The following RBFOX1 variants were observed in gnomAD, a reference collection of about 807,000 sequenced individuals.
RBFOX1 encodes the protein RNA binding protein fox-1 homolog 1.
Under a neutral mutation model 57.7 loss-of-function variants are expected in RBFOX1, and 8 were observed. The observed-to-expected ratio is 0.14, with a 90% confidence interval of 0.08 to 0.25. The LOEUF is 0.25. Ranked by LOEUF, RBFOX1 falls within the 10% of genes least tolerant of loss-of-function variation. The probability of loss-of-function intolerance (pLI) is 1.00; values close to 1 mark genes in which losing one functional copy is unlikely to be tolerated. For missense variants in RBFOX1, 611 were observed against 548.5 expected, an observed-to-expected ratio of 1.11 and a Z score of -1.14; for synonymous variants, 326 against 222.4, an observed-to-expected ratio of 1.47 and a Z score of -4.15.
intron 2 of RBFOX1, among the ~76,000 whole-genome samples, chr16:5,565,669 T>TA (rs1394473073): frequency 1.0e-3 from 157 of 150,332 alleles, no homozygotes; most frequent in African/African-American, 3.6e-3. Context: ...AATAAATAAA[T>TA]AATTTGCAAG....
intron 4 of RBFOX1, among the ~76,000 whole-genome samples, chr16:7,388,380 CTA>C (rs2097919683): frequency 6.6e-6 from 1 of 152,184 alleles, no homozygotes; most frequent in Non-Finnish European, 1.5e-5. Flanking sequence ...CTGAACATAA[CTA>C]TTGCTGGGGT....
chr16:7,454,656 A>C (rs1164236923), intron 4 of RBFOX1, among the ~76,000 whole-genome samples: 1 of 152,224 alleles, frequency 6.6e-6, no homozygotes, highest in Non-Finnish European at 1.5e-5. Context: ...CAGGATAGCA[A>C]ACATTTGGAT....
intron 11 of RBFOX1, among the ~76,000 whole-genome samples, chr16:7,640,846 A>AT (rs1453651288): frequency 6.7e-6 from 1 of 150,216 alleles, no homozygotes; most frequent in Non-Finnish European, 1.5e-5. Flanking sequence ...TTGAGAGTTT[A>AT]TTTTTTAAGC....
chr16:7,242,417 C>G (rs915972464), intron 4 of RBFOX1, among the ~76,000 whole-genome samples: 1 of 152,118 alleles, frequency 6.6e-6, no homozygotes, highest in African/African-American at 2.4e-5. Flanking sequence ...TCTCTCTGAG[C>G]TTTAGTTCTT....
intron 4 of RBFOX1, among the ~76,000 whole-genome samples, chr16:7,426,942 G>T (rs1167226870): frequency 2.6e-5 from 4 of 152,172 alleles, no homozygotes; most frequent in South Asian, 4.1e-4. Context: ...CCATAAAAAA[G>T]GATGAGTTCA....
rs112530335 is a variant in RBFOX1 at position 5,788,476 on chromosome 16, A to G, written c.319-78827A>G. On this transcript the variant is annotated intron_variant, in intron 3 of 19. Transcript: ENST00000641259. ...AAACACTGTCTCTACCAAAAATACA[A>G]AATTTAGCTGGGCATGGTGGCAGGT... Among the ~76,000 whole-genome samples the G allele has an allele frequency of 5.0e-3, 762 of 152,184 alleles. 12 individuals carry two copies. Among genetic ancestry groups the G allele is most frequent in the African/African-American group, 0.016 (653 of 41,514 alleles).
chr16:5,961,185 G>A (rs976774477), intron 4 of RBFOX1, among the ~76,000 whole-genome samples: 1 of 151,872 alleles, frequency 6.6e-6, no homozygotes, highest in African/African-American at 2.4e-5. Flanking sequence ...TTCATTTGGG[G>A]CATATTCTAT....
At chr16:5,898,098 A>C (rs925401800) in intron 4 of RBFOX1, among the ~76,000 whole-genome samples, 1 of 152,134 alleles carries the variant, frequency 6.6e-6, no homozygotes, top group Non-Finnish European at 1.5e-5. Flanking sequence ...AGGGGCAGCA[A>C]ACCTGTCCTT....
intron 4 of RBFOX1, among the ~76,000 whole-genome samples, chr16:7,207,142 G>T (rs1023402471): frequency 6.6e-6 from 1 of 152,218 alleles, no homozygotes; most frequent in African/African-American, 2.4e-5. Context: ...TTTCTTAGCT[G>T]ATCAGCAAGA....
At chr16:6,621,249 C>T (rs942912504) in intron 2 of RBFOX1, among the ~76,000 whole-genome samples, 4 of 152,148 alleles carry the variant, frequency 2.6e-5, no homozygotes, top group African/African-American at 9.7e-5. Context: ...ATCACAAGGT[C>T]AGGAGATGGA....
intron 3 of RBFOX1, among the ~76,000 whole-genome samples, chr16:5,674,403 G>C (rs1484992259): frequency 6.6e-6 from 1 of 152,188 alleles, no homozygotes; most frequent in East Asian, 1.9e-4. Flanking sequence ...CTGAAGTTTA[G>C]TGAGGTAGGG....
At chr16:6,874,327 A>G (rs985342936) in intron 3 of RBFOX1, among the ~76,000 whole-genome samples, 1 of 152,024 alleles carries the variant, frequency 6.6e-6, no homozygotes, top group African/African-American at 2.4e-5. Flanking sequence ...CCTGGCCAAC[A>G]TGATGAAACT....
chr16:6,665,457 T>TA (rs1209704748), intron 3 of RBFOX1, among the ~76,000 whole-genome samples: 3 of 151,918 alleles, frequency 2.0e-5, no homozygotes, highest in East Asian at 1.9e-4. Flanking sequence ...CTGCTAAAAA[T>TA]AAAAAATATA....
chr16:5,885,644 G>A (rs1040570417), intron 4 of RBFOX1, among the ~76,000 whole-genome samples: 1 of 152,110 alleles, frequency 6.6e-6, no homozygotes, highest in African/African-American at 2.4e-5. Context: ...TTCTCTTTCA[G>A]AATTTCCGCT....
At position 5,691,910 on chromosome 16, in the gene RBFOX1, T is replaced by C. The variant is rs955326961; in HGVS notation, c.318+92949T>C. ...AGCCAGAGCTTCTTGTACTCTCCTA[T>C]ACTGCCTTCCTCCACTTTGTGGTCA... On this transcript the variant is annotated intron_variant, in intron 3 of 19. Transcript: ENST00000641259. Among the ~76,000 whole-genome samples, 31 of 152,242 alleles carry C rather than the reference T, an allele frequency of 2.0e-4. 1 individual carries two copies. Among genetic ancestry groups the C allele is most frequent in the Admixed American group, 1.3e-4 (2 of 15,288 alleles).
chr16:5,903,993 G>T (rs1026900983), intron 4 of RBFOX1, among the ~76,000 whole-genome samples: 2 of 152,160 alleles, frequency 1.3e-5, no homozygotes, highest in Non-Finnish European at 2.9e-5. Context: ...TGAGCTAATA[G>T]AATGGAGATG....
chr16:7,238,181 G>A (rs1435069573), intron 4 of RBFOX1, among the ~76,000 whole-genome samples: 2 of 152,168 alleles, frequency 1.3e-5, no homozygotes, highest in Non-Finnish European at 2.9e-5. Context: ...CCAAGGGCTG[G>A]GAGAAAAGAG....
chr16:6,967,891 C>G (rs79426783), intron 3 of RBFOX1, among the ~76,000 whole-genome samples: 7 of 152,166 alleles, frequency 4.6e-5, no homozygotes, highest in African/African-American at 1.4e-4. Flanking sequence ...AAAAGATGCC[C>G]CAAATCACTG....
intron 2 of RBFOX1, among the ~76,000 whole-genome samples, chr16:6,611,801 C>A (rs1208058502): frequency 6.6e-6 from 1 of 152,074 alleles, no homozygotes; most frequent in Non-Finnish European, 1.5e-5. Flanking sequence ...CCCAAGGCAC[C>A]CTGAGTCCTC....
Sources: gnomAD v4.1 joint callset for allele counts (sites outside exome capture counted in the v4.1 genomes callset) on GRCh38, gnomAD v4.1.1 for gene constraint, MANE v1.5 for transcripts, NCBI Gene and HGNC (gene_info 2026-07-23, HGNC 2026-07-21) for gene names.